Variants in SNTG1 observed in about 807,000 individuals in gnomAD.
The protein encoded by SNTG1 is syntrophin gamma 1.
In SNTG1, 39 loss-of-function variants were observed where a neutral mutation model predicts 74.7. That is an observed-to-expected ratio of 0.52 (90% CI 0.40 to 0.68). SNTG1 has a LOEUF of 0.68. Ranked by LOEUF, SNTG1 falls within the 30% of genes least tolerant of loss-of-function variation. The pLI is 0.00. For missense variants in SNTG1, 685 were observed against 609.5 expected, an observed-to-expected ratio of 1.12 and a Z score of -1.30; for synonymous variants, 254 against 217.1, an observed-to-expected ratio of 1.17 and a Z score of -1.49.
At chr8:50,712,539 C>A (rs909182455) in intron 17 of SNTG1, among the ~76,000 whole-genome samples, 2 of 152,046 alleles carry the variant, frequency 1.3e-5, no homozygotes, top group African/African-American at 2.4e-5. Context: ...GCAAAACATG[C>A]ATGTTTGTTA....
intron 10 of SNTG1, among the ~76,000 whole-genome samples, chr8:50,533,553 C>G (rs953633948): frequency 6.6e-6 from 1 of 151,610 alleles, no homozygotes; most frequent in Non-Finnish European, 1.5e-5. Context: ...ATCTTTTATG[C>G]AAAAATAAAT....
At chr8:50,325,978 A>G (rs2090731058) in intron 2 of SNTG1, among the ~76,000 whole-genome samples, 1 of 152,040 alleles carries the variant, frequency 6.6e-6, no homozygotes, top group African/African-American at 2.4e-5. Context: ...TTGTGTACAC[A>G]TAGATAAGAT....
rs1337355702 is a variant in SNTG1 at position 49,951,173 on chromosome 8, AG to A, written c.-103+38944del. Among the ~76,000 whole-genome samples, 10 of 152,352 alleles carry A rather than the reference AG, an allele frequency of 6.6e-5. 1 individual carries two copies. The East Asian group carries it at 1.9e-3, about 29-fold the overall frequency. ...AGTGGTCAAAGTAAAGCTAGAAATT[AG>A]GTTTGCTGACATCTAATTCATCATA... On this transcript the variant is annotated intron_variant, in intron 1 of 18. Coordinates refer to ENST00000642720, the MANE Select transcript of SNTG1 (RefSeq NM_018967.5).
chr8:50,380,727 G>A (rs983705923), intron 2 of SNTG1, among the ~76,000 whole-genome samples: 2 of 152,162 alleles, frequency 1.3e-5, no homozygotes, highest in African/African-American at 2.4e-5. Context: ...AAATTTGGCT[G>A]TGTTTGTCTC....
intron 2 of SNTG1, among the ~76,000 whole-genome samples, chr8:50,200,629 G>A (rs1406636637): frequency 6.6e-6 from 1 of 152,098 alleles, no homozygotes; most frequent in East Asian, 1.9e-4. Context: ...AGTCAATTTA[G>A]TCACCAGAAG....
intron 2 of SNTG1, among the ~76,000 whole-genome samples, chr8:50,341,989 T>C (rs566288899): frequency 6.6e-6 from 1 of 152,162 alleles, no homozygotes; most frequent in South Asian, 2.1e-4. Flanking sequence ...CTATTCCAAA[T>C]ATTGTGCTTT....
intron 18 of SNTG1, among the ~76,000 whole-genome samples, chr8:50,767,702 G>A (rs1398466927): frequency 6.6e-6 from 1 of 151,810 alleles, no homozygotes; most frequent in Non-Finnish European, 1.5e-5. Flanking sequence ...AATACAGCTA[G>A]GCTTACTGAT....
intron 1 of SNTG1, among the ~76,000 whole-genome samples, chr8:50,103,212 T>C (rs1211069247): frequency 6.6e-6 from 1 of 152,240 alleles, no homozygotes; most frequent in Non-Finnish European, 1.5e-5. Flanking sequence ...TTCTTCCATT[T>C]CTTTGTATCC....
intron 1 of SNTG1, among the ~76,000 whole-genome samples, chr8:50,099,949 G>A (rs770432691): frequency 3.1e-4 from 47 of 151,920 alleles, no homozygotes; most frequent in Non-Finnish European, 6.5e-4. Flanking sequence ...TCACTGTGTT[G>A]TTGATTCCTT....
chr8:50,673,713 G>C (rs2095296464), intron 15 of SNTG1, among the ~76,000 whole-genome samples: 1 of 152,096 alleles, frequency 6.6e-6, no homozygotes, highest in African/African-American at 2.4e-5. Context: ...CCAATACTAT[G>C]TTGAATAGGA....
intron 11 of SNTG1, among the ~76,000 whole-genome samples, chr8:50,542,877 T>C (rs766882545): frequency 6.6e-6 from 1 of 152,176 alleles, no homozygotes; most frequent in African/African-American, 2.4e-5. Context: ...CTGTTGACCA[T>C]ACGTATGTCT....
intron 1 of SNTG1, among the ~76,000 whole-genome samples, chr8:50,155,536 T>A (rs986429373): frequency 6.6e-5 from 10 of 152,028 alleles, no homozygotes; most frequent in African/African-American, 2.2e-4. Flanking sequence ...CAGAATTAAA[T>A]AAGAGATAAA....
intron 9 of SNTG1, among the ~76,000 whole-genome samples, chr8:50,512,489 T>C (rs1463205994): frequency 6.6e-6 from 1 of 152,242 alleles, no homozygotes; most frequent in African/African-American, 2.4e-5. Flanking sequence ...GAAGTTCTCC[T>C]GGATAATATC....
At chr8:50,757,447 C>T (rs2095583357) in intron 18 of SNTG1, among the ~76,000 whole-genome samples, 1 of 151,738 alleles carries the variant, frequency 6.6e-6, no homozygotes, top group African/African-American at 2.4e-5. Flanking sequence ...TTTCCCTAAA[C>T]CTTTCCTTGT....
At chr8:50,194,027 G>A (rs2037208921) in intron 2 of SNTG1, among the ~76,000 whole-genome samples, 1 of 152,124 alleles carries the variant, frequency 6.6e-6, no homozygotes, top group Admixed American at 6.6e-5. Flanking sequence ...AAAACCACTT[G>A]ATCATGGTGG....
intron 1 of SNTG1, among the ~76,000 whole-genome samples, chr8:50,110,720 G>C (rs775963691): frequency 4.6e-5 from 7 of 151,984 alleles, no homozygotes; most frequent in Non-Finnish European, 8.8e-5. Flanking sequence ...TGGTCACACT[G>C]TCTTGCAGTT....
intron 1 of SNTG1, among the ~76,000 whole-genome samples, chr8:49,942,669 C>G (rs1585598384): frequency 1.3e-5 from 2 of 152,280 alleles, no homozygotes; most frequent in Middle Eastern, 6.8e-3. Context: ...GCATAATTGT[C>G]AGATATTCTA....
intron 1 of SNTG1, among the ~76,000 whole-genome samples, chr8:49,956,021 C>A (rs555144172): frequency 3.3e-5 from 5 of 152,296 alleles, no homozygotes; most frequent in African/African-American, 1.2e-4. Flanking sequence ...GAATACGTTT[C>A]TCTCCAGCTA....
intron 18 of SNTG1, among the ~76,000 whole-genome samples, chr8:50,766,692 A>C (rs1466131042): frequency 1.3e-5 from 2 of 151,902 alleles, no homozygotes; most frequent in Non-Finnish European, 1.5e-5. Flanking sequence ...ATTTATTAAC[A>C]ATTAATGCCA....
Sources: allele counts gnomAD v4.1 joint callset (sites outside exome capture counted in the v4.1 genomes callset), GRCh38; gene constraint gnomAD v4.1.1; transcripts MANE v1.5; gene names NCBI Gene and HGNC (gene_info 2026-07-23, HGNC 2026-07-21).